Variants in TPGS2 observed in about 807,000 individuals in gnomAD.
TPGS2 encodes the protein tubulin polyglutamylase complex subunit 2.
TPGS2 carries 26 observed loss-of-function variants against 31.1 expected under a neutral mutation model. The ratio of observed to expected loss-of-function variants is 0.84; its 90% CI spans 0.61 to 1.16. The LOEUF is 1.16. Ranked by LOEUF, TPGS2 falls within the 50% of genes most tolerant of loss-of-function variation. TPGS2 has a pLI of 0.00. For synonymous variants in TPGS2, 130 were observed against 136.6 expected, an observed-to-expected ratio of 0.95 and a Z score of 0.34; for missense variants, 351 against 363.8, an observed-to-expected ratio of 0.96 and a Z score of 0.29.
At chr18:36,822,885 C>T (rs988842921) in intron 1 of TPGS2, among the ~76,000 whole-genome samples, 2 of 152,174 alleles carry the variant, frequency 1.3e-5, no homozygotes, top group Admixed American at 6.5e-5. Flanking sequence ...AGGCATGAGC[C>T]GCAGTGCCCA....
rs1175041577 is a variant in TPGS2 at position 36,794,462 on chromosome 18, G to A, written c.*2343C>T. ...TGGTTCCTCCGCTGCTTCACTTGTG[G>A]AATCCAGGGCTGATTTAGAAATGCT... On this transcript the variant is annotated 3_prime_UTR_variant, in exon 7 of 7. Coordinates refer to ENST00000334295, the MANE Select transcript of TPGS2 (RefSeq NM_015476.4). 17 of 985,328 alleles carry A rather than the reference G, an allele frequency of 1.7e-5. No individual in the cohort carries two copies. Among genetic ancestry groups the A allele is most frequent in the African/African-American group, 1.7e-5 (1 of 57,230 alleles). The allele number at this position is 985,328 out of a possible 1,614,324, so 61.0% of individuals were successfully genotyped here.
At chr18:36,791,038 CACCTTGCCATTCTTGTGATAGTGAG>C (rs2044292700), downstream of TPGS2, among the ~76,000 whole-genome samples, 1 of 152,050 alleles carries the variant, frequency 6.6e-6, no homozygotes, top group South Asian at 2.1e-4. Flanking sequence ...GGGTGATTTC[CACCTTGCCATTCTTGTGATAGTGAG>C]TTCTCACGAG....
chr18:36,785,170 G>C (rs1003658516), intron 6 of TPGS2, among the ~76,000 whole-genome samples: 1 of 152,118 alleles, frequency 6.6e-6, no homozygotes, highest in African/African-American at 2.4e-5. Flanking sequence ...GTGGTGGCAT[G>C]CACCTGTAAT....
chr18:36,793,776 C>T (rs183926493), downstream of TPGS2, among the ~76,000 whole-genome samples: 322 of 151,108 alleles, frequency 2.1e-3, no homozygotes, highest in Non-Finnish European at 3.8e-3. Flanking sequence ...CTTGCTCTGT[C>T]GTCCAGGCTG....
chr18:36,828,861 T>C lies in TPGS2; in HGVS notation c.-94A>G, dbSNP rs1302228097. 2.7e-6 allele frequency: 4 copies of C among 1,455,678 alleles called. No individual in the cohort carries two copies. The highest frequency in any genetic ancestry group is 4.4e-4 in the Middle Eastern group (2 of 4,500). The allele number at this position is 1,455,678 out of a possible 1,614,324, so 90.2% of individuals were successfully genotyped here. On this transcript the variant is annotated 5_prime_UTR_variant, in exon 1 of 7. Coordinates refer to ENST00000334295, the MANE Select transcript of TPGS2 (RefSeq NM_015476.4). ...CAATTTCATGGCATGCCGGGAACGG[T>C]AGTTCTCGGCGCCTGAAAGCGCGGC...
intron 4 of TPGS2, 23 bp from the exon 5 acceptor site, chr18:36,800,334 T>C: frequency 6.2e-7 from 1 of 1,608,022 alleles, no homozygotes. Context: ...AAGTTAATGG[T>C]AATGTTCAAA....
chr18:36,809,876 A>G (rs2045340391), intron 2 of TPGS2, among the ~76,000 whole-genome samples: 1 of 152,202 alleles, frequency 6.6e-6, no homozygotes, highest in African/African-American at 2.4e-5. Flanking sequence ...CAGGCTGAAT[A>G]ATTCCAGTAA....
intron 2 of TPGS2, among the ~76,000 whole-genome samples, chr18:36,812,518 C>T (rs1014867260): frequency 1.2e-4 from 19 of 152,314 alleles, no homozygotes; most frequent in South Asian, 1.2e-3. Context: ...GGCGTGCTCT[C>T]GGATGGCAGG....
intron 2 of TPGS2, among the ~76,000 whole-genome samples, chr18:36,812,353 A>C (rs1400068777): frequency 6.6e-6 from 1 of 152,128 alleles, no homozygotes; most frequent in African/African-American, 2.4e-5. Flanking sequence ...CCACCCCCTG[A>C]CCTCAGGGAG....
At chr18:36,819,935 C>A (rs1368030496) in intron 1 of TPGS2, among the ~76,000 whole-genome samples, 1 of 152,206 alleles carries the variant, frequency 6.6e-6, no homozygotes, top group Non-Finnish European at 1.5e-5. Context: ...GCAGTGCATA[C>A]ATGTTGTCCC....
intron 2 of TPGS2, among the ~76,000 whole-genome samples, chr18:36,815,436 G>A (rs1249265226): frequency 6.6e-6 from 1 of 152,024 alleles, no homozygotes; most frequent in African/African-American, 2.4e-5. Flanking sequence ...TTGAGAATCT[G>A]AAAAAGCCTT....
rs1436754668 is a variant in TPGS2 at position 36,828,852 on chromosome 18, C to G, written c.-85G>C. The G allele has an allele frequency of 1.3e-6, 2 of 1,519,248 alleles. No homozygotes were observed. The highest frequency in any genetic ancestry group is 2.3e-5 in the East Asian group (1 of 43,962). 94.1% of individuals were successfully genotyped at this position (1,519,248 alleles called of 1,614,324 possible). Reference sequence around the variant, plus strand: ...CGCCGAGGCCAATTTCATGGCATGCCGGGAACGGTAGTTCTCGGCGCCTGA... The same window carrying G: ...CGCCGAGGCCAATTTCATGGCATGCGGGGAACGGTAGTTCTCGGCGCCTGA... On this transcript the variant is annotated 5_prime_UTR_variant, in exon 1 of 7. Transcript: ENST00000334295.
At chr18:36,782,711 G>A (rs2044045183), downstream of TPGS2, among the ~76,000 whole-genome samples, 1 of 152,172 alleles carries the variant, frequency 6.6e-6, no homozygotes, top group African/African-American at 2.4e-5. Flanking sequence ...TGATCAACTA[G>A]GACATGTTTG....
chr18:36,805,232 T>C, intron 4 of TPGS2, 142 bp downstream of exon 4: 2 of 987,434 alleles, frequency 2.0e-6, no homozygotes, highest in East Asian at 2.6e-5. Flanking sequence ...TCATGTTCCC[T>C]GAATCCTCTT....
chr18:36,794,547 T>C lies in TPGS2; in HGVS notation c.*2258A>G. ...GTATCTGCTGCAGTGGAAGATGACA[T>C]AACTTCTCAACTCCCTTCTAACCTC... On this transcript the variant is annotated 3_prime_UTR_variant, in exon 7 of 7. Transcript: ENST00000334295. 1 of 985,364 alleles carries C rather than the reference T, an allele frequency of 1.0e-6. No homozygotes were observed. Among genetic ancestry groups the C allele is most frequent in the Non-Finnish European group, 1.2e-6 (1 of 829,904 alleles). 61.0% of individuals were successfully genotyped at this position (985,364 alleles called of 1,614,324 possible).
chr18:36,798,642 A>G (rs1261564057), intron 5 of TPGS2, 33 bp from the exon 6 acceptor site: 1 of 1,601,684 alleles, frequency 6.2e-7, no homozygotes, highest in South Asian at 1.1e-5. Flanking sequence ...TAAAAGATAA[A>G]GAATAGCTTA....
At chr18:36,782,410 C>A (rs2044039151), downstream of TPGS2, among the ~76,000 whole-genome samples, 1 of 152,150 alleles carries the variant, frequency 6.6e-6, no homozygotes, top group Admixed American at 6.5e-5. Context: ...ATCGGACTCA[C>A]CTGGATGCTT....
Position 36,795,535 on chromosome 18 carries a change from T to C in TPGS2, c.*1270A>G. 4 of 985,444 alleles carry C rather than the reference T, an allele frequency of 4.1e-6. No individual in the cohort carries two copies. Among genetic ancestry groups the C allele is most frequent in the Non-Finnish European group, 4.8e-6 (4 of 829,926 alleles). The allele number at this position is 985,444 out of a possible 1,614,324, so 61.0% of individuals were successfully genotyped here. On this transcript the variant is annotated 3_prime_UTR_variant, in exon 7 of 7. Transcript: ENST00000334295. Reference sequence around the variant, plus strand: ...TGGGAAGCAGGGTGAAGGCCTTGCTTCTGCCCACAGCCAGGACTGTAGAGG... The same window carrying C: ...TGGGAAGCAGGGTGAAGGCCTTGCTCCTGCCCACAGCCAGGACTGTAGAGG...
chr18:36,793,355 G>T (rs912784218), downstream of TPGS2, among the ~76,000 whole-genome samples: 2 of 152,216 alleles, frequency 1.3e-5, no homozygotes, highest in Non-Finnish European at 2.9e-5. Flanking sequence ...TTCAAAGTGA[G>T]TACAAAGTAA....
Sources: allele counts gnomAD v4.1 joint callset (sites outside exome capture counted in the v4.1 genomes callset), GRCh38; gene constraint gnomAD v4.1.1; transcripts MANE v1.5; gene names NCBI Gene and HGNC (gene_info 2026-07-23, HGNC 2026-07-21).